Variants in ITGAM observed in about 807,000 individuals in gnomAD.
The protein encoded by ITGAM is integrin alpha-M.
Under a neutral mutation model 137.5 loss-of-function variants are expected in ITGAM, and 79 were observed. The ratio of observed to expected loss-of-function variants is 0.57; its 90% CI spans 0.48 to 0.69. ITGAM has a LOEUF of 0.69. Among genes scored for constraint, ITGAM ranks in the 30% least tolerant of loss-of-function variants. ITGAM has a pLI of 0.00. For synonymous variants in ITGAM, 583 were observed against 592.3 expected, an observed-to-expected ratio of 0.98 and a Z score of 0.23; for missense variants, 1,343 against 1,483.5, an observed-to-expected ratio of 0.91 and a Z score of 1.56.
chr16:31,291,843 A>G (rs1021294505), intron 12 of ITGAM, among the ~76,000 whole-genome samples: 9 of 152,102 alleles, frequency 5.9e-5, no homozygotes, highest in Non-Finnish European at 1.2e-4. Context: ...ACAAAAATAC[A>G]GTTAGGAAAA....
In ITGAM at chr16:31,271,866, C is replaced by G; in HGVS notation, c.578C>G (p.Ser193Cys). 1 of 1,614,030 alleles carries G rather than the reference C, an allele frequency of 6.2e-7. No homozygotes were observed. The highest frequency in any genetic ancestry group is 8.5e-7 in the Non-Finnish European group (1 of 1,179,900). ...CCGCAGTTCTCTTTGATGCAGTACT[C>G]TGAAGAATTCCGGATTCACTTTACC... is the stretch of plus-strand genomic sequence containing the variant. ...SKTLFSLMQY[S>C]EEFRIHFTFK... The change falls in exon 7 of 30, where the codon TCT (serine) becomes TGT (cysteine). Residue 193 changes from serine to cysteine, a missense_variant. Ser to Cys is a moderately radical substitution (Grantham distance 112). Transcript: ENST00000544665.
At chr16:31,315,446 A>AT (rs112497136) in intron 14 of ITGAM, among the ~76,000 whole-genome samples, 38,193 of 151,570 alleles carry the variant, frequency 0.25, 7,897 homozygotes, top group African/African-American at 0.57. Flanking sequence ...TCACTTTTTA[A>AT]TTTTTTTATT....
intron 1 of ITGAM, among the ~76,000 whole-genome samples, chr16:31,261,339 C>T (rs1277203072): frequency 6.6e-6 from 1 of 151,252 alleles, no homozygotes; most frequent in Admixed American, 6.6e-5. Context: ...AGTACCACTA[C>T]ACCCGGCTAA....
At chr16:31,327,423 CAA>C (rs71151472) in intron 22 of ITGAM, among the ~76,000 whole-genome samples, 4 of 139,726 alleles carry the variant, frequency 2.9e-5, no homozygotes, top group African/African-American at 7.9e-5. Context: ...CCTGTTTCTA[CAA>C]AAAAAAAAAA....
chr16:31,326,183 C>T (rs537161168), intron 21 of ITGAM, among the ~76,000 whole-genome samples: 1 of 152,318 alleles, frequency 6.6e-6, no homozygotes, highest in South Asian at 2.1e-4. Context: ...CATTACCTCA[C>T]AAAGAGCTTC....
chr16:31,296,950 G>A (rs1157204085), intron 12 of ITGAM, among the ~76,000 whole-genome samples: 1 of 152,086 alleles, frequency 6.6e-6, no homozygotes, highest in Non-Finnish European at 1.5e-5. Flanking sequence ...AGCCTTATTA[G>A]TCAGAGTGCC....
At chr16:31,277,546 T>A (rs1314250911) in intron 11 of ITGAM, among the ~76,000 whole-genome samples, 1 of 152,060 alleles carries the variant, frequency 6.6e-6, no homozygotes, top group East Asian at 1.9e-4. Context: ...TTAGTAGAGA[T>A]GGGATTTCTC....
At chr16:31,289,242 A>G (rs2080060961) in intron 12 of ITGAM, among the ~76,000 whole-genome samples, 1 of 152,358 alleles carries the variant, frequency 6.6e-6, no homozygotes, top group Admixed American at 6.5e-5. Flanking sequence ...TGACCCAGCC[A>G]TCCCATTACT....
intron 14 of ITGAM, among the ~76,000 whole-genome samples, chr16:31,315,283 T>G (rs2080379049): frequency 6.6e-6 from 1 of 152,194 alleles, no homozygotes; most frequent in Admixed American, 6.5e-5. Flanking sequence ...GCTTTTTAGT[T>G]TGATGCAATT....
chr16:31,313,819 G>T (rs2080361581), intron 14 of ITGAM, among the ~76,000 whole-genome samples: 1 of 152,152 alleles, frequency 6.6e-6, no homozygotes, highest in African/African-American at 2.4e-5. Context: ...CTTCTACAAT[G>T]GTTGAACTGA....
chr16:31,314,627 C>T (rs1333586145), intron 14 of ITGAM, among the ~76,000 whole-genome samples: 1 of 152,070 alleles, frequency 6.6e-6, no homozygotes, highest in East Asian at 1.9e-4. Context: ...GTTTTGGTTA[C>T]TGTAGCCTTG....
intron 21 of ITGAM, 131 bp from the exon 22 acceptor site, chr16:31,326,725 T>A: frequency 1.4e-6 from 1 of 715,986 alleles, no homozygotes. Context: ...CCTTCATTGC[T>A]TTTTATTTGG....
chr16:31,291,804 A>C (rs1212955145), intron 12 of ITGAM, among the ~76,000 whole-genome samples: 1 of 152,004 alleles, frequency 6.6e-6, no homozygotes, highest in Non-Finnish European at 1.5e-5. Flanking sequence ...AGTAAGGAGG[A>C]TGGGGTAAAG....
intron 14 of ITGAM, among the ~76,000 whole-genome samples, chr16:31,317,410 T>C (rs2080404372): frequency 6.6e-6 from 1 of 152,192 alleles, no homozygotes; most frequent in Non-Finnish European, 1.5e-5. Context: ...GGAAGGTGTT[T>C]AGGTCATGAG....
intron 5 of ITGAM, 54 bp from the exon 6 acceptor site, chr16:31,270,900 C>T (rs1454152547): frequency 3.0e-6 from 4 of 1,340,944 alleles, no homozygotes; most frequent in African/African-American, 3.0e-5. Flanking sequence ...TGCAAAAAAA[C>T]CCAAAACACC....
At chr16:31,265,348 C>A in intron 2 of ITGAM, 47 bp from the exon 3 acceptor site, 1 of 1,111,476 alleles carries the variant, frequency 9.0e-7, no homozygotes, top group Non-Finnish European at 1.3e-6. Flanking sequence ...TGGTCTCCTT[C>A]TCTCCCCACA....
chr16:31,277,166 T>G (rs2079916509), intron 11 of ITGAM, 117 bp downstream of exon 11: 4 of 877,678 alleles, frequency 4.6e-6, no homozygotes, highest in Non-Finnish European at 6.6e-6. Context: ...TACTAGCTAT[T>G]AGTCTCTTGG....
In ITGAM at chr16:31,275,676, G is replaced by A. The variant is rs773233768; in HGVS notation, c.986G>A (p.Arg329Gln). 3 of 1,613,714 alleles carry A rather than the reference G, an allele frequency of 1.9e-6. No homozygotes were observed. Among genetic ancestry groups the A allele is most frequent in the Admixed American group, 3.3e-5 (2 of 59,980 alleles). Residue 329 changes from arginine (R) to glutamine (Q), a missense_variant, in exon 9 of 30, where the codon CGG becomes CAG. By Grantham distance (43) the Arg-to-Gln change is conservative. Coordinates refer to ENST00000544665, the MANE Select transcript of ITGAM (RefSeq NM_000632.4). Reference protein sequence around the residue: ...EALKTIQNQLREKIFAIEGTQ... With the variant: ...EALKTIQNQLQEKIFAIEGTQ... ...CTGAAGACCATTCAGAACCAGCTTC[G>A]GGAGAAGATCTTTGCGATCGAGGGT...
intron 6 of ITGAM, among the ~76,000 whole-genome samples, chr16:31,271,618 G>A (rs1479014946): frequency 1.3e-5 from 2 of 152,214 alleles, no homozygotes; most frequent in Non-Finnish European, 2.9e-5. Flanking sequence ...TTCCCAAAGT[G>A]CTGGGATTAC....
Sources: allele counts gnomAD v4.1 joint callset (sites outside exome capture counted in the v4.1 genomes callset), GRCh38; gene constraint gnomAD v4.1.1; transcripts MANE v1.5; gene names NCBI Gene and HGNC (gene_info 2026-07-23, HGNC 2026-07-21).